The following IL31RA variants were observed in gnomAD, a reference collection of about 807,000 sequenced individuals.
The protein encoded by IL31RA is interleukin 31 receptor A.
In IL31RA, 66 loss-of-function variants were observed where a neutral mutation model predicts 83.7. The ratio of observed to expected loss-of-function variants is 0.79; its 90% CI spans 0.65 to 0.97. IL31RA has a LOEUF of 0.97. Among genes scored for constraint, IL31RA ranks in the 50% least tolerant of loss-of-function variants. The pLI, the probability that IL31RA is intolerant of heterozygous loss-of-function variation, is 0.00. For missense variants in IL31RA, 798 were observed against 919.4 expected (o/e 0.87, Z 1.71); for synonymous variants, 325 against 329.0 (o/e 0.99, Z 0.13).
chr5:55,859,659 A>C, intron 2 of IL31RA, 60 bp downstream of exon 2: 1 of 1,199,390 alleles, frequency 8.3e-7, no homozygotes, highest in Admixed American at 1.7e-5. Context: ...TTTGGACAAG[A>C]GTTGTTAACT....
At position 55,921,290 on chromosome 5, in the gene IL31RA, C is replaced by A. The variant is rs1750079207; in HGVS notation, c.*4170C>A. Among the ~76,000 whole-genome samples the A allele has an allele frequency of 6.6e-6, 1 of 152,184 alleles. No individual in the cohort carries two copies. The highest frequency in any genetic ancestry group is 1.5e-5 in the Non-Finnish European group (1 of 68,034). On this transcript the variant is annotated 3_prime_UTR_variant, in exon 15 of 15. Transcript: ENST00000652347. ...CCTGTACACATTTTTCAGCTAATTGCAAATCATACTGAATACATTATGTTC... is the reference window on the plus strand; with the variant it reads ...CCTGTACACATTTTTCAGCTAATTGAAAATCATACTGAATACATTATGTTC...
chr5:55,899,811 A>G (rs1019807024), intron 7 of IL31RA, 105 bp from the exon 8 acceptor site: 1 of 762,960 alleles, frequency 1.3e-6, no homozygotes, highest in African/African-American at 1.7e-5. Flanking sequence ...TTTAGTATCT[A>G]ATAGTTAGCC....
intron 11 of IL31RA, chr5:55,909,239 A>G (rs747337275): frequency 2.0e-5 from 3 of 152,792 alleles, no homozygotes; most frequent in East Asian, 1.9e-4. Context: ...TTATGGCTGA[A>G]TAATATTCCA....
intron 5 of IL31RA, among the ~76,000 whole-genome samples, chr5:55,883,928 A>T (rs757710392): frequency 6.6e-6 from 1 of 152,222 alleles, no homozygotes; most frequent in Non-Finnish European, 1.5e-5. Context: ...AGACTTATTC[A>T]TGCTATATAA....
intron 1 of IL31RA, among the ~76,000 whole-genome samples, chr5:55,852,780 G>A (rs1171637943): frequency 6.6e-6 from 1 of 152,198 alleles, no homozygotes; most frequent in East Asian, 1.9e-4. Flanking sequence ...AGGAAACTGA[G>A]AGTCAGGCTG....
At chr5:55,901,595 T>C (rs62361949) in intron 8 of IL31RA, among the ~76,000 whole-genome samples, 865 of 58,524 alleles carry the variant, frequency 0.015, 7 homozygotes, top group Non-Finnish European at 0.019. Context: ...TCATTATTAT[T>C]ATTATTATTA....
chr5:55,917,926 A>G lies in IL31RA; in HGVS notation c.*806A>G, dbSNP rs2112601755. 6.6e-6 allele frequency among the ~76,000 whole-genome samples: 1 copy of G among 152,258 alleles called. No individual in the cohort carries two copies. Among genetic ancestry groups the G allele is most frequent in the Non-Finnish European group, 1.5e-5 (1 of 68,008 alleles). ...ACATTGCAGTGGTTGTCATATAGGG[A>G]CGCTGGCCCCTCACACTGGTTCAGA... On this transcript the variant is annotated 3_prime_UTR_variant, in exon 15 of 15. Coordinates refer to ENST00000652347, the MANE Select transcript of IL31RA (RefSeq NM_139017.7).
At chr5:55,853,552 C>T in intron 1 of IL31RA, 1 of 1,550,998 alleles carries the variant, frequency 6.4e-7, no homozygotes. Context: ...TGTGGAACAT[C>T]CCCTGATACA....
rs745784012 is a variant in IL31RA, at chr5:55,906,129, C to T, written c.1093C>T (p.Gln365Ter). 2 of 1,613,468 alleles carry T rather than the reference C, an allele frequency of 1.2e-6. No homozygotes were observed. Among genetic ancestry groups the T allele is most frequent in the East Asian group, 2.2e-5 (1 of 44,902 alleles). The change falls in exon 9 of 15, where the codon CAG (glutamine) becomes TAG (stop). Residue 365 changes from glutamine (Q) to a stop codon, truncating the protein, a stop_gained. Coordinates refer to ENST00000652347, the MANE Select transcript of IL31RA (RefSeq NM_139017.7). LOFTEE classifies it high-confidence loss of function. ...AGCATTTCAGTGCATTGAGGTCATG[C>T]AGGCCTGCGTTGCTGAGGACCAGCT... Reference protein sequence around the residue: ...EKSFQCIEVMQACVAEDQLVV... With the variant: ...EKSFQCIEVM
chr5:55,890,530 C>T (rs1047494840), intron 6 of IL31RA, among the ~76,000 whole-genome samples: 2 of 152,004 alleles, frequency 1.3e-5, no homozygotes, highest in African/African-American at 2.4e-5. Flanking sequence ...CGACCATGCC[C>T]GGTTGATTTT....
chr5:55,853,524 T>G lies in IL31RA; in HGVS notation c.63+1891T>G, dbSNP rs552343768. Reference sequence around the variant, plus strand: ...TGGAGTTGCCTTTGATGCAAATCCTTTGAGCCAGCAGAACATCTGTGGAAC... The same window carrying G: ...TGGAGTTGCCTTTGATGCAAATCCTGTGAGCCAGCAGAACATCTGTGGAAC... On this transcript the variant is annotated intron_variant, in intron 1 of 14. Transcript: ENST00000652347. The G allele has an allele frequency of 2.6e-6, 4 of 1,551,038 alleles. No individual in the cohort carries two copies. The East Asian group carries it at 7.3e-5, about 28-fold the overall frequency.
chr5:55,866,053 G>A (rs904519187), intron 2 of IL31RA, among the ~76,000 whole-genome samples: 2 of 152,150 alleles, frequency 1.3e-5, no homozygotes, highest in African/African-American at 2.4e-5. Flanking sequence ...GTTTGTCCAT[G>A]GTCCTGAAGT....
intron 8 of IL31RA, among the ~76,000 whole-genome samples, chr5:55,905,213 A>G (rs920837517): frequency 3.2e-4 from 48 of 150,640 alleles, no homozygotes; most frequent in East Asian, 9.6e-4. Flanking sequence ...AAAAAAAAAA[A>G]AAAGAAAGAA....
At position 55,919,951 on chromosome 5, in the gene IL31RA, C is replaced by A. The variant is rs991532030; in HGVS notation, c.*2831C>A. On this transcript the variant is annotated 3_prime_UTR_variant, in exon 15 of 15. Coordinates refer to ENST00000652347, the MANE Select transcript of IL31RA (RefSeq NM_139017.7). ...ACAAACAGGAAGACTTGTGTTTTAGCAAGGTTATTAAAAATGGATAAACCA... is the reference window on the plus strand; with the variant it reads ...ACAAACAGGAAGACTTGTGTTTTAGAAAGGTTATTAAAAATGGATAAACCA... 6.6e-6 allele frequency among the ~76,000 whole-genome samples: 1 copy of A among 152,220 alleles called. No individual in the cohort carries two copies. The highest frequency in any genetic ancestry group is 1.5e-5 in the Non-Finnish European group (1 of 68,042).
chr5:55,899,095 G>T (rs749700297), intron 7 of IL31RA, among the ~76,000 whole-genome samples: 2 of 152,112 alleles, frequency 1.3e-5, no homozygotes, highest in Non-Finnish European at 2.9e-5. Context: ...TGGTCATTAG[G>T]AAGATTCTAG....
intron 8 of IL31RA, 50 bp from the exon 9 acceptor site, chr5:55,906,056 T>C (rs1308300307): frequency 1.3e-6 from 2 of 1,583,012 alleles, no homozygotes; most frequent in South Asian, 1.1e-5. Context: ...GTTGTTGCAT[T>C]TGGGGAATGA....
chr5:55,861,280 GATAGACCA>G (rs1745666679), intron 2 of IL31RA, among the ~76,000 whole-genome samples: 1 of 152,152 alleles, frequency 6.6e-6, no homozygotes, highest in Non-Finnish European at 1.5e-5. Context: ...TCAGGAGCTT[GATAGACCA>G]GGGGTCCCCA....
chr5:55,915,216 G>A (rs1487882997), intron 14 of IL31RA, among the ~76,000 whole-genome samples: 1 of 152,172 alleles, frequency 6.6e-6, no homozygotes, highest in African/African-American at 2.4e-5. Context: ...AAAGACACTG[G>A]CCCTACCCTT....
chr5:55,908,852 A>G (rs1749328427), intron 11 of IL31RA: 1 of 1,343,710 alleles, frequency 7.4e-7, no homozygotes, highest in African/African-American at 1.5e-5. Context: ...CAAGGCTTGG[A>G]TTCTTGCTTA....
Sources: allele counts gnomAD v4.1 joint callset (sites outside exome capture counted in the v4.1 genomes callset), GRCh38; gene constraint gnomAD v4.1.1; transcripts MANE v1.5; gene names NCBI Gene and HGNC (gene_info 2026-07-23, HGNC 2026-07-21).